The following DMD variants were observed in gnomAD, a reference collection of about 807,000 sequenced individuals.
The protein encoded by DMD is dystrophin, also known as mutant dystrophin.
In DMD, 63 loss-of-function variants were observed where a neutral mutation model predicts 330.1. The ratio of observed to expected loss-of-function variants is 0.19; its 90% confidence interval spans 0.16 to 0.24. DMD has a LOEUF of 0.24. Ranked by LOEUF, DMD falls within the 10% of genes least tolerant of loss-of-function variation. The probability of loss-of-function intolerance (pLI) is 1.00; values close to 1 mark genes in which losing one functional copy is unlikely to be tolerated. For missense variants in DMD, 3,344 were observed against 2,684.1 expected (o/e 1.25, Z -5.43); for synonymous variants, 1,223 against 959.8 (o/e 1.27, Z -5.07).
At position 32,853,868 on chromosome X, in the gene DMD, A is replaced by C. The variant is rs775843455; in HGVS notation, c.94-4048T>G. Among the ~76,000 whole-genome samples the C allele has an allele frequency of 2.9e-4, 32 of 110,787 alleles. No homozygotes were observed. The South Asian group carries it at 0.012, about 43-fold the overall frequency. ...CGCTTCACCTACAAAGCCAGACTTAAAATTAAGGGATGTAAAAAGATATTC... is the reference window on the plus strand; with the variant it reads ...CGCTTCACCTACAAAGCCAGACTTACAATTAAGGGATGTAAAAAGATATTC... On this transcript the variant is annotated intron_variant, in intron 2 of 78. Transcript: ENST00000357033.
intron 51 of DMD, among the ~76,000 whole-genome samples, chrX:31,752,430 A>G (rs2088664745): frequency 9.0e-6 from 1 of 110,847 alleles, no homozygotes; most frequent in African/African-American, 3.3e-5. Flanking sequence ...ACAAAAAACA[A>G]CCAGTCATAC....
chrX:31,589,391 C>G (rs184408234), intron 55 of DMD, among the ~76,000 whole-genome samples: 5 of 111,197 alleles, frequency 4.5e-5, no homozygotes, highest in African/African-American at 1.6e-4. Flanking sequence ...ATCTCCCTGA[C>G]TTATTGGGGG....
intron 9 of DMD, among the ~76,000 whole-genome samples, chrX:32,673,027 CTGTATGTGTGTGTATG>C (rs1439493040): frequency 1.8e-5 from 2 of 111,062 alleles, no homozygotes; most frequent in African/African-American, 3.3e-5. Flanking sequence ...TGGATGTTTT[CTGTATGTGTGTGTATG>C]TGTATGTGTG....
chrX:31,479,881 A>G (rs960148684), intron 57 of DMD, among the ~76,000 whole-genome samples: 2 of 112,017 alleles, frequency 1.8e-5, no homozygotes, highest in African/African-American at 6.5e-5. Context: ...CAGAGTGAAA[A>G]CAGTAAGTTC....
rs72466557 is a variant in DMD, at chrX:31,223,240, T to C, written c.9287-119A>G. 4.3e-3 allele frequency: 2,659 copies of C among 613,302 alleles called. 41 individuals carry two copies. In the African/African-American group the frequency reaches 0.051, roughly 12 times the overall value. The allele number at this position is 613,302 out of a possible 1,213,427, so 50.5% of individuals were successfully genotyped here. A position where few individuals can be genotyped will look rare whatever the true frequency, so the allele number is the denominator to read the frequency against. On this transcript the variant is annotated intron_variant, in intron 63 of 78. Coordinates refer to ENST00000357033, the MANE Select transcript of DMD (RefSeq NM_004006.3). ...CACCACAAAAATAGCCTAGAAAACATATAGTGTGTATACGCCAAGCTTTCG... is the reference window on the plus strand; with the variant it reads ...CACCACAAAAATAGCCTAGAAAACACATAGTGTGTATACGCCAAGCTTTCG...
chrX:31,895,047 T>C (rs1177104910), intron 47 of DMD, among the ~76,000 whole-genome samples: 2 of 111,627 alleles, frequency 1.8e-5, no homozygotes, highest in African/African-American at 6.5e-5. Flanking sequence ...CCCTCCCTTC[T>C]ATGAACACTT....
intron 7 of DMD, among the ~76,000 whole-genome samples, chrX:32,729,765 T>G (rs923069101): frequency 4.5e-5 from 5 of 112,113 alleles, no homozygotes; most frequent in Non-Finnish European, 7.5e-5. Context: ...CTTTAATAAT[T>G]AAATATGTGT....
At chrX:32,205,005 T>TACACA (rs2097058779) in intron 44 of DMD, among the ~76,000 whole-genome samples, 1 of 29,240 alleles carries the variant, frequency 3.4e-5, no homozygotes, top group African/African-American at 1.1e-4. Context: ...TCTCTCTCTC[T>TACACA]CACATACACA....
upstream of DMD, among the ~76,000 whole-genome samples, chrX:33,212,001 T>C (rs1287505231): frequency 8.9e-6 from 1 of 112,108 alleles, no homozygotes; most frequent in Non-Finnish European, 1.9e-5. Flanking sequence ...CAAAGTTATT[T>C]TTTCCCCTTG....
chrX:32,847,476 T>C (rs2080786116), intron 3 of DMD, among the ~76,000 whole-genome samples: 1 of 112,344 alleles, frequency 8.9e-6, no homozygotes, highest in Non-Finnish European at 1.9e-5. Flanking sequence ...TGTTCTATAG[T>C]ATACATGCCT....
At chrX:32,511,558 T>G (rs958086714) in intron 18 of DMD, among the ~76,000 whole-genome samples, 2 of 100,432 alleles carry the variant, frequency 2.0e-5, no homozygotes, top group African/African-American at 3.6e-5. Flanking sequence ...GAAAAGAAAG[T>G]CATTAATTTT....
At chrX:31,433,484 T>G (rs2064237344) in intron 60 of DMD, among the ~76,000 whole-genome samples, 1 of 103,276 alleles carries the variant, frequency 9.7e-6, no homozygotes, top group Non-Finnish European at 2.0e-5. Flanking sequence ...TGAGACAGAG[T>G]CTTGCTCTGT....
At chrX:31,159,125 C>T (rs1172639909) in intron 74 of DMD, among the ~76,000 whole-genome samples, 1 of 111,935 alleles carries the variant, frequency 8.9e-6, no homozygotes, top group South Asian at 3.8e-4. Context: ...CATTTATGTA[C>T]CCAGTGCTGT....
At chrX:32,725,967 A>T (rs2066836269) in intron 7 of DMD, among the ~76,000 whole-genome samples, 1 of 110,970 alleles carries the variant, frequency 9.0e-6, no homozygotes, top group African/African-American at 3.3e-5. Context: ...ATATATACAC[A>T]TACAAACTAT....
chrX:32,653,634 A>G (rs748207239), intron 9 of DMD, among the ~76,000 whole-genome samples: 1 of 111,825 alleles, frequency 8.9e-6, no homozygotes, highest in Admixed American at 9.5e-5. Flanking sequence ...TTGACCTGGC[A>G]ATGTGGGCTC....
intron 48 of DMD, among the ~76,000 whole-genome samples, chrX:31,857,392 A>G (rs1315216477): frequency 9.6e-6 from 1 of 104,699 alleles, no homozygotes; most frequent in African/African-American, 3.5e-5. Flanking sequence ...AAAAAAAAAA[A>G]AAAAAAAAAA....
At chrX:32,668,964 A>G (rs539724002) in intron 9 of DMD, among the ~76,000 whole-genome samples, 36 of 111,518 alleles carry the variant, frequency 3.2e-4, no homozygotes, top group African/African-American at 1.2e-3. Flanking sequence ...CAACATTTAT[A>G]GGTTGATACC....
rs574088991 is a variant in DMD at position 32,497,789 on chromosome X, G to A, written c.2380+3966C>T. On this transcript the variant is annotated intron_variant, in intron 19 of 78. Coordinates refer to ENST00000357033, the MANE Select transcript of DMD (RefSeq NM_004006.3). ...CATATGTATATTATTTTAGCCCTAGGTTGTCCTAAAACTCCACAATCTCAA... is the reference window on the plus strand; with the variant it reads ...CATATGTATATTATTTTAGCCCTAGATTGTCCTAAAACTCCACAATCTCAA... 2.2e-4 allele frequency among the ~76,000 whole-genome samples: 25 copies of A among 111,117 alleles called. No individual in the cohort carries two copies. The South Asian group carries it at 9.1e-3, about 40-fold the overall frequency.
At chrX:32,488,340 G>C (rs182231754) in intron 20 of DMD, among the ~76,000 whole-genome samples, 2 of 110,687 alleles carry the variant, frequency 1.8e-5, no homozygotes, top group Admixed American at 9.7e-5. Flanking sequence ...CACAGGAAAG[G>C]GTTCATGAAT....
Sources: gnomAD v4.1 joint callset for allele counts (sites outside exome capture counted in the v4.1 genomes callset) on GRCh38, gnomAD v4.1.1 for gene constraint, MANE v1.5 for transcripts, NCBI Gene and HGNC (gene_info 2026-07-23, HGNC 2026-07-21) for gene names.